Variants in ROBO2 observed in about 807,000 individuals in gnomAD.
The protein encoded by ROBO2 is roundabout homolog 2.
Under a neutral mutation model 160.8 loss-of-function variants are expected in ROBO2, and 53 were observed. The observed-to-expected ratio is 0.33, with a 90% confidence interval of 0.26 to 0.41. The LOEUF (loss-of-function observed/expected upper bound fraction) is 0.41. Among genes scored for constraint, ROBO2 ranks in the 10% least tolerant of loss-of-function variants. ROBO2 has a pLI of 1.00. For missense variants in ROBO2, 1,577 were observed against 1,722.4 expected (o/e 0.92, Z 1.49); for synonymous variants, 664 against 611.7 (o/e 1.09, Z -1.26).
intron 2 of ROBO2, among the ~76,000 whole-genome samples, chr3:76,712,992 C>G (rs1438548227): frequency 3.3e-5 from 5 of 152,170 alleles, no homozygotes; most frequent in African/African-American, 1.2e-4. Context: ...ATATCCAAGG[C>G]TCTGATATCT....
chr3:75,982,206 A>G (rs753060055), intron 2 of ROBO2, among the ~76,000 whole-genome samples: 10 of 151,518 alleles, frequency 6.6e-5, no homozygotes, highest in Non-Finnish European at 1.0e-4. Flanking sequence ...CATCTTAGCT[A>G]TTGTAAACAG....
chr3:76,973,580 G>T (rs960769534), intron 2 of ROBO2, among the ~76,000 whole-genome samples: 2 of 152,012 alleles, frequency 1.3e-5, no homozygotes, highest in African/African-American at 4.8e-5. Context: ...CAATAGCATT[G>T]TCTTCATGTA....
intron 2 of ROBO2, among the ~76,000 whole-genome samples, chr3:76,627,054 A>G (rs1245470031): frequency 2.0e-5 from 3 of 152,332 alleles, no homozygotes; most frequent in African/African-American, 4.8e-5. Context: ...AAGGGCTAAA[A>G]TAACTTGTAG....
At chr3:76,531,914 C>T (rs1231244064) in intron 2 of ROBO2, among the ~76,000 whole-genome samples, 1 of 151,964 alleles carries the variant, frequency 6.6e-6, no homozygotes, top group Non-Finnish European at 1.5e-5. Context: ...ATCATAATAC[C>T]CACTTTTTAG....
chr3:75,924,865 T>G (rs1470626861), intron 1 of ROBO2, among the ~76,000 whole-genome samples: 1 of 151,500 alleles, frequency 6.6e-6, no homozygotes, highest in African/African-American at 2.4e-5. Flanking sequence ...ATTTTTTGTA[T>G]TTTTAGTAGA....
At chr3:76,045,173 C>A (rs1559863193) in intron 2 of ROBO2, among the ~76,000 whole-genome samples, 1 of 151,922 alleles carries the variant, frequency 6.6e-6, no homozygotes, top group East Asian at 1.9e-4. Flanking sequence ...CTATATAGTG[C>A]CCCCGTGTGG....
intron 2 of ROBO2, among the ~76,000 whole-genome samples, chr3:77,150,150 C>T (rs554439457): frequency 1.7e-4 from 26 of 152,018 alleles, no homozygotes; most frequent in Non-Finnish European, 3.4e-4. Flanking sequence ...AAGAATTTAA[C>T]GAAAACACTC....
chr3:76,399,874 C>T (rs564741757), intron 2 of ROBO2, among the ~76,000 whole-genome samples: 11 of 151,562 alleles, frequency 7.3e-5, no homozygotes, highest in Non-Finnish European at 1.5e-4. Context: ...TATTATAATA[C>T]CATATAGTAG....
chr3:76,354,112 A>T (rs2075028487), intron 2 of ROBO2, among the ~76,000 whole-genome samples: 1 of 152,026 alleles, frequency 6.6e-6, no homozygotes, highest in Admixed American at 6.6e-5. Context: ...AATTCAAGGC[A>T]TTCAAAAATT....
intron 2 of ROBO2, among the ~76,000 whole-genome samples, chr3:76,013,932 A>G (rs113097368): frequency 6.8e-6 from 1 of 147,856 alleles, no homozygotes; most frequent in South Asian, 2.2e-4. Flanking sequence ...GCAGTTGGTG[A>G]CTGGGCACGG....
intron 2 of ROBO2, among the ~76,000 whole-genome samples, chr3:76,282,003 T>G (rs1708257712): frequency 6.6e-6 from 1 of 152,032 alleles, no homozygotes; most frequent in Non-Finnish European, 1.5e-5. Flanking sequence ...AGATAAGACT[T>G]TAAAGTTACA....
chr3:76,191,624 T>A (rs1378107592), intron 2 of ROBO2, among the ~76,000 whole-genome samples: 3 of 152,170 alleles, frequency 2.0e-5, no homozygotes, highest in Non-Finnish European at 4.4e-5. Context: ...ATAAAATTAA[T>A]TTCCTGCTTT....
At chr3:76,024,603 T>C (rs559515567) in intron 2 of ROBO2, among the ~76,000 whole-genome samples, 209 of 151,754 alleles carry the variant, frequency 1.4e-3, no homozygotes, top group African/African-American at 3.4e-3. Flanking sequence ...GAGTATTCGA[T>C]ATAAAAAACA....
intron 6 of ROBO2, among the ~76,000 whole-genome samples, chr3:77,533,295 ATGGTTTTCAGGTGTGTCAGTTTTCTAT>A (rs1366636594): frequency 6.6e-6 from 1 of 151,998 alleles, no homozygotes; most frequent in Non-Finnish European, 1.5e-5. Context: ...CATAATAAGG[ATGGTTTTCAGGTGTGTCAGTTTTCTAT>A]TGTTGCATAA....
intron 2 of ROBO2, among the ~76,000 whole-genome samples, chr3:76,393,703 A>G (rs1406994595): frequency 2.0e-5 from 3 of 152,168 alleles, no homozygotes; most frequent in Non-Finnish European, 4.4e-5. Context: ...GGCCTGAGAA[A>G]GTGAAGCTGG....
In ROBO2 at chr3:77,551,003, A is replaced by C. The variant is rs752530938; in HGVS notation, c.1231+14A>C. 1.2e-6 allele frequency: 2 copies of C among 1,611,990 alleles called. No individual in the cohort carries two copies. Among genetic ancestry groups the C allele is most frequent in the Non-Finnish European group, 1.7e-6 (2 of 1,178,578 alleles). On this transcript the variant is annotated intron_variant, in intron 8 of 25. Coordinates refer to ENST00000461745, the Ensembl canonical transcript of ROBO2. ...AGGTTACTGATGGTGCGATATCTTTACTAGATTTGTCTTATGAAAACATTG... is the reference window on the plus strand; with the variant it reads ...AGGTTACTGATGGTGCGATATCTTTCCTAGATTTGTCTTATGAAAACATTG...
intron 2 of ROBO2, among the ~76,000 whole-genome samples, chr3:76,595,815 T>C (rs935997959): frequency 6.6e-6 from 1 of 152,078 alleles, no homozygotes; most frequent in African/African-American, 2.4e-5. Flanking sequence ...AGTACACAGA[T>C]AGTTTTGTAA....
chr3:76,727,014 T>G (rs569903349), intron 2 of ROBO2, among the ~76,000 whole-genome samples: 2 of 152,314 alleles, frequency 1.3e-5, no homozygotes, highest in Admixed American at 1.3e-4. Context: ...ATCGAGTCAT[T>G]ACATTCTTTG....
At chr3:76,821,469 T>C (rs1270459339) in intron 2 of ROBO2, among the ~76,000 whole-genome samples, 2 of 152,046 alleles carry the variant, frequency 1.3e-5, no homozygotes, top group African/African-American at 2.4e-5. Flanking sequence ...TTTAAAATCA[T>C]ACCTATCAAT....
Sources: gnomAD v4.1 joint callset for allele counts (sites outside exome capture counted in the v4.1 genomes callset) on GRCh38, gnomAD v4.1.1 for gene constraint, MANE v1.5 for transcripts, NCBI Gene and HGNC (gene_info 2026-07-23, HGNC 2026-07-21) for gene names.